RAB3IL1: variants seen among roughly 807,000 people sequenced by gnomAD.
RAB3IL1 encodes guanine nucleotide exchange factor for Rab-3A.
RAB3IL1 carries 37 observed loss-of-function variants against 49.2 expected under a neutral mutation model. The ratio of observed to expected loss-of-function variants is 0.75; its 90% confidence interval spans 0.58 to 0.99. The LOEUF is 0.99. Among genes scored for constraint, RAB3IL1 ranks in the 50% least tolerant of loss-of-function variants. The probability of loss-of-function intolerance (pLI) is 0.00; values close to 1 mark genes in which losing one functional copy is unlikely to be tolerated. For missense variants in RAB3IL1, 484 were observed against 513.0 expected, an observed-to-expected ratio of 0.94 and a Z score of 0.55; for synonymous variants, 193 against 213.9, an observed-to-expected ratio of 0.90 and a Z score of 0.85.
chr11:61,925,526 T>A, the RAB3IL1 span, among the ~76,000 whole-genome samples: 3 of 151,984 alleles, frequency 2.0e-5, no homozygotes, highest in South Asian at 2.1e-4. Context: ...TCCCAGCTAC[T>A]TGGGAGGCTG....
intron 4 of RAB3IL1, 46 bp downstream of exon 4, chr11:61,907,347 A>G (rs760611971): frequency 1.3e-6 from 2 of 1,594,844 alleles, no homozygotes; most frequent in Admixed American, 1.7e-5. Flanking sequence ...GCCGGGAGGC[A>G]GGGGGGGTGC....
chr11:61,933,585 A>C, the RAB3IL1 span, among the ~76,000 whole-genome samples: 5 of 152,310 alleles, frequency 3.3e-5, no homozygotes, highest in Admixed American at 6.5e-5. Context: ...CAGATTTTGG[A>C]ACCAAGAGTG....
chr11:61,939,150 T>G, the RAB3IL1 span, among the ~76,000 whole-genome samples: 1 of 152,020 alleles, frequency 6.6e-6, no homozygotes, highest in Non-Finnish European at 1.5e-5. Context: ...AAATAAGTCT[T>G]AATAAATTTT....
chr11:61,899,123 C>T (rs1472321661), intron 9 of RAB3IL1, among the ~76,000 whole-genome samples, 191 bp downstream of exon 9: 4 of 152,170 alleles, frequency 2.6e-5, no homozygotes, highest in Admixed American at 2.6e-4. Flanking sequence ...AAAGACCAGC[C>T]GGACGGACTC....
chr11:61,934,995 C>G, the RAB3IL1 span, among the ~76,000 whole-genome samples: 6,549 of 152,204 alleles, frequency 0.043, 443 homozygotes, highest in South Asian at 0.34. Context: ...ATAACAAACT[C>G]TGGGGTGCTG....
At chr11:61,945,879 C>T in the RAB3IL1 span, 8,059 of 900,100 alleles carry the variant, frequency 9.0e-3, 456 homozygotes, top group African/African-American at 0.13. Flanking sequence ...CATGCTATTC[C>T]GTTGTCATGG....
upstream of RAB3IL1, among the ~76,000 whole-genome samples, chr11:61,922,631 G>A (rs116361616): frequency 0.011 from 1,711 of 152,224 alleles, 42 homozygotes; most frequent in African/African-American, 0.039. Flanking sequence ...CCTCCTGCCT[G>A]TACTTCCCTC....
rs1325108852 is a variant in RAB3IL1 at position 61,904,757 on chromosome 11, C to T, written c.783G>A (p.Gln261=). The change falls in exon 6 of 10, where the codon CAG becomes CAA. Residue 261 remains glutamine (Q), a synonymous_variant. Coordinates refer to ENST00000394836, the MANE Select transcript of RAB3IL1 (RefSeq NM_013401.4). ...CCCCGCCCCTGCCATGCCTCACCTC[C>T]TGCATTGTGAAGTCCAGGCAGGGGC... ...DVGPCLDFTM[Q]ELSVLVRAAV... 1 of 1,602,970 alleles carries T rather than the reference C, an allele frequency of 6.2e-7. No individual in the cohort carries two copies. Among genetic ancestry groups the T allele is most frequent in the Non-Finnish European group, 8.5e-7 (1 of 1,175,228 alleles).
chr11:61,911,828 C>A (rs565144812), intron 1 of RAB3IL1, among the ~76,000 whole-genome samples: 1 of 152,226 alleles, frequency 6.6e-6, no homozygotes, highest in African/African-American at 2.4e-5. Flanking sequence ...AAAGGCCCCA[C>A]GGGTCACTTC....
At position 61,906,700 on chromosome 11, in the gene RAB3IL1, TG is replaced by T; in HGVS notation, c.439-17del. On this transcript the variant is annotated splice_polypyrimidine_tract_variant and intron_variant, in intron 4 of 9. Transcript: ENST00000394836. The surrounding 1 kb of genome is among the most constrained non-coding windows in gnomAD (Gnocchi z 4.6). ...GCATGTCGATCTGCATGGGATGGGA[TG>T]GCTGTCAACCCTCACCCAGACTGGA... 6.3e-7 allele frequency: 1 copy of T among 1,595,262 alleles called. No individual in the cohort carries two copies.
At chr11:61,917,637 C>A, upstream of RAB3IL1, 1 of 943,232 alleles carries the variant, frequency 1.1e-6, no homozygotes, top group Non-Finnish European at 1.3e-6. Context: ...CGCTGGGATC[C>A]GGCGCGCGCT....
Position 61,906,070 on chromosome 11 carries a change from TG to T in RAB3IL1, c.657+395del, listed in dbSNP as rs531514005. Among the ~76,000 whole-genome samples, 430 of 152,192 alleles carry T rather than the reference TG, an allele frequency of 2.8e-3. No individual in the cohort carries two copies. Among genetic ancestry groups the T allele is most frequent in the African/African-American group, 9.9e-3 (411 of 41,524 alleles). ...CAGGTGGTCCTGGGGCTCGAGGCTGTGGCCACACGGGGTCCAGGCAGCCTCT... is the reference window on the plus strand; with the variant it reads ...CAGGTGGTCCTGGGGCTCGAGGCTGTGCCACACGGGGTCCAGGCAGCCTCT... On this transcript the variant is annotated intron_variant, in intron 5 of 9. Coordinates refer to ENST00000394836, the MANE Select transcript of RAB3IL1 (RefSeq NM_013401.4). This position sits in a 1 kb window ranked among gnomAD's most constrained non-coding sequence, Gnocchi z 4.6.
Position 61,899,393 on chromosome 11 carries a change from G to A in RAB3IL1, c.1000-13C>T, listed in dbSNP as rs773652524. On this transcript the variant is annotated splice_polypyrimidine_tract_variant and intron_variant, in intron 8 of 9. Transcript: ENST00000394836. ...ACACTGCGGTGATCTGTGGGCAGAGGTGGGGACGGTGTGACCTGCCAGCCC... is the reference window on the plus strand; with the variant it reads ...ACACTGCGGTGATCTGTGGGCAGAGATGGGGACGGTGTGACCTGCCAGCCC... 4 of 1,607,120 alleles carry A rather than the reference G, an allele frequency of 2.5e-6. No homozygotes were observed. Among genetic ancestry groups the A allele is most frequent in the East Asian group, 2.2e-5 (1 of 44,822 alleles).
chr11:61,945,992 AT>A, the RAB3IL1 span, among the ~76,000 whole-genome samples: 1 of 152,016 alleles, frequency 6.6e-6, no homozygotes. Context: ...ATCTCTTTGA[AT>A]GTTGAGTTTA....
intron 1 of RAB3IL1, among the ~76,000 whole-genome samples, chr11:61,910,416 A>T (rs1313957794): frequency 1.3e-5 from 2 of 152,178 alleles, no homozygotes; most frequent in Non-Finnish European, 2.9e-5. Context: ...GCTGTGGCAG[A>T]GAGAACAGGC....
chr11:61,944,242 C>CCTTCCTTTCTTCCTTT, the RAB3IL1 span, among the ~76,000 whole-genome samples: 6 of 127,370 alleles, frequency 4.7e-5, no homozygotes, highest in East Asian at 1.3e-3. Context: ...TTCCTTCCTT[C>CCTTCCTTTCTTCCTTT]CTTCCTTCCT....
At chr11:61,944,220 C>CTCCTTCCT in the RAB3IL1 span, among the ~76,000 whole-genome samples, 1,646 of 37,042 alleles carry the variant, frequency 0.044, 47 homozygotes, top group Middle Eastern at 0.083. Context: ...CCTTCCTTCC[C>CTCCTTCCT]TCCTTCCTTC....
chr11:61,916,204 G>A lies in RAB3IL1; in HGVS notation c.11+1153C>T, dbSNP rs191154644. 2.6e-3 allele frequency among the ~76,000 whole-genome samples: 398 copies of A among 152,040 alleles called. 1 individual carries two copies. Among genetic ancestry groups the A allele is most frequent in the Non-Finnish European group, 3.8e-3 (255 of 67,940 alleles). On this transcript the variant is annotated intron_variant, in intron 1 of 9. Coordinates refer to ENST00000394836, the MANE Select transcript of RAB3IL1 (RefSeq NM_013401.4). ...CTACTAAAAATACAAAAATTAGCCG[G>A]GTGTGGTGGTGTGTGCCTGTAGTCG...
At chr11:61,902,334 A>T in intron 8 of RAB3IL1, 108 bp downstream of exon 8, 1 of 905,298 alleles carries the variant, frequency 1.1e-6, no homozygotes, top group Non-Finnish European at 1.7e-6. Flanking sequence ...TAAATAAAAT[A>T]AGTAAATCAA....
Sources: gnomAD v4.1 joint callset for allele counts (sites outside exome capture counted in the v4.1 genomes callset) on GRCh38, gnomAD v4.1.1 for gene constraint, Gnocchi (gnomAD v3.1) non-coding constraint, MANE v1.5 for transcripts, NCBI Gene and HGNC (gene_info 2026-07-23, HGNC 2026-07-21) for gene names.